TENT2: variants seen among roughly 807,000 people sequenced by gnomAD.
TENT2 encodes the protein poly(A) RNA polymerase GLD2.
A neutral mutation model predicts 72.2 loss-of-function variants in TENT2; 44 were observed. That is an observed-to-expected ratio of 0.61 (90% CI 0.48 to 0.78). The LOEUF is 0.78. TENT2 is among the 30% of genes least tolerant of loss of function. The probability of loss-of-function intolerance (pLI) is 0.00; values close to 1 mark genes in which losing one functional copy is unlikely to be tolerated. For missense variants in TENT2, 541 were observed against 569.6 expected, an observed-to-expected ratio of 0.95 and a Z score of 0.51; for synonymous variants, 212 against 192.5, an observed-to-expected ratio of 1.10 and a Z score of -0.84.
chr5:79,614,065 A>G (rs560587178), intron 1 of TENT2: 1 of 145,296 alleles, frequency 6.9e-6, no homozygotes, highest in Non-Finnish European at 1.5e-5. Flanking sequence ...CAAATACTTT[A>G]TAACTAGAAA....
intron 13 of TENT2, among the ~76,000 whole-genome samples, chr5:79,679,958 A>G (rs1196106841): frequency 1.3e-5 from 2 of 152,214 alleles, no homozygotes; most frequent in Non-Finnish European, 2.9e-5. Context: ...GGAAGAAAAT[A>G]GAATCTTTAT....
intron 1 of TENT2, among the ~76,000 whole-genome samples, chr5:79,613,653 T>TA (rs1269667561): frequency 6.6e-6 from 1 of 152,234 alleles, no homozygotes; most frequent in African/African-American, 2.4e-5. Flanking sequence ...AAATGTCCTG[T>TA]AACAGGTTCC....
chr5:79,623,405 A>C lies in TENT2; in HGVS notation c.381A>C (p.Pro127=), dbSNP rs1766722705. ...MPPLFHTHYV[P]DIVRCVPPFR... ...CATTGTTTCATACACATTATGTACC[A>C]GATATAGTCAGATGTGTTCCACCTT... is the stretch of plus-strand genomic sequence containing the variant. Residue 127 remains proline, a synonymous_variant, in exon 4 of 15, where the codon CCA becomes CCC. Coordinates refer to ENST00000453514, the MANE Select transcript of TENT2 (RefSeq NM_001114394.3). 6.2e-7 allele frequency: 1 copy of C among 1,613,196 alleles called. No individual in the cohort carries two copies. The highest frequency in any genetic ancestry group is 1.3e-5 in the African/African-American group (1 of 74,888).
chr5:79,645,434 A>G (rs1407799528), intron 8 of TENT2, among the ~76,000 whole-genome samples: 1 of 152,126 alleles, frequency 6.6e-6, no homozygotes, highest in Non-Finnish European at 1.5e-5. Context: ...TAAAGAGTAC[A>G]TATTTGTATT....
At chr5:79,633,106 ATTGT>A (rs1776860649) in intron 4 of TENT2, among the ~76,000 whole-genome samples, 1 of 152,176 alleles carries the variant, frequency 6.6e-6, no homozygotes, top group African/African-American at 2.4e-5. Context: ...TTGTTTCAGA[ATTGT>A]TTAATTTGAT....
rs976165981 is a variant in TENT2 at position 79,688,176 on chromosome 5, T to C, written c.*2903T>C. On this transcript the variant is annotated 3_prime_UTR_variant, in exon 15 of 15. Coordinates refer to ENST00000453514, the MANE Select transcript of TENT2 (RefSeq NM_001114394.3). ...GTGTAACTGGTGAATAATCCCCAGCTTACAGTCATATTTAACAACTCTGTG... is the reference window on the plus strand; with the variant it reads ...GTGTAACTGGTGAATAATCCCCAGCCTACAGTCATATTTAACAACTCTGTG... Among the ~76,000 whole-genome samples, 2 of 152,248 alleles carry C rather than the reference T, an allele frequency of 1.3e-5. No individual in the cohort carries two copies. Among genetic ancestry groups the C allele is most frequent in the Non-Finnish European group, 2.9e-5 (2 of 68,042 alleles).
chr5:79,654,320 A>G (rs955146138), intron 10 of TENT2, among the ~76,000 whole-genome samples: 2 of 152,006 alleles, frequency 1.3e-5, no homozygotes, highest in African/African-American at 4.8e-5. Flanking sequence ...AATCCCAGCT[A>G]CTTGGGAGGC....
chr5:79,646,059 C>T (rs1788699600), intron 8 of TENT2, among the ~76,000 whole-genome samples: 1 of 152,140 alleles, frequency 6.6e-6, no homozygotes. Context: ...TCTTCTTGTT[C>T]AGCTTCATAC....
chr5:79,682,405 A>G (rs1580702725), intron 14 of TENT2, among the ~76,000 whole-genome samples: 1 of 151,450 alleles, frequency 6.6e-6, no homozygotes, highest in African/African-American at 2.4e-5. Context: ...TCAGCCTCCC[A>G]GATAGCTTGG....
intron 8 of TENT2, among the ~76,000 whole-genome samples, chr5:79,646,861 T>G (rs963035782): frequency 6.6e-6 from 1 of 151,776 alleles, no homozygotes; most frequent in African/African-American, 2.4e-5. Flanking sequence ...CTCAAATGCC[T>G]GGACTCAAGT....
At chr5:79,637,660 TA>T (rs944218968) in intron 4 of TENT2, among the ~76,000 whole-genome samples, 2 of 152,092 alleles carry the variant, frequency 1.3e-5, no homozygotes, top group African/African-American at 2.4e-5. Flanking sequence ...TTCCTGGGCT[TA>T]AGCAATGCAC....
At chr5:79,630,623 A>G (rs1774593266) in intron 4 of TENT2, among the ~76,000 whole-genome samples, 1 of 152,030 alleles carries the variant, frequency 6.6e-6, no homozygotes, top group Non-Finnish European at 1.5e-5. Context: ...AGGAAATAGC[A>G]TGTTTGAGGG....
intron 8 of TENT2, among the ~76,000 whole-genome samples, chr5:79,647,778 A>G (rs1790338555): frequency 2.0e-5 from 3 of 152,110 alleles, no homozygotes; most frequent in Admixed American, 6.6e-5. Context: ...GTAATCCTTA[A>G]TTTTTTATGA....
intron 9 of TENT2, 54 bp downstream of exon 9, chr5:79,648,747 T>C (rs1791182223): frequency 2.2e-6 from 3 of 1,346,248 alleles, no homozygotes; most frequent in Admixed American, 4.2e-5. Context: ...TATTCATTTT[T>C]AAAGATGTTT....
chr5:79,656,891 G>T, intron 10 of TENT2, 67 bp from the exon 11 acceptor site: 2 of 1,210,376 alleles, frequency 1.7e-6, no homozygotes, highest in South Asian at 1.4e-5. Context: ...GGATGTAGCT[G>T]ACAAATTATT....
intron 4 of TENT2, among the ~76,000 whole-genome samples, chr5:79,625,834 GTT>G (rs11323205): frequency 7.6e-5 from 11 of 144,684 alleles, no homozygotes; most frequent in South Asian, 2.2e-4. Flanking sequence ...TTAGTTAGCT[GTT>G]TTTTTTTTTT....
intron 12 of TENT2, among the ~76,000 whole-genome samples, chr5:79,677,812 T>G (rs1228372504): frequency 6.6e-6 from 1 of 152,178 alleles, no homozygotes; most frequent in Non-Finnish European, 1.5e-5. Flanking sequence ...TGTTTTTTGT[T>G]TTTTTAAGAT....
intron 11 of TENT2, 95 bp from the exon 12 acceptor site, chr5:79,668,797 T>C: frequency 1.4e-6 from 2 of 1,399,474 alleles, no homozygotes; most frequent in South Asian, 1.6e-5. Context: ...ATTTCTTCTC[T>C]CTTTTTCAAA....
At chr5:79,613,283 A>G (rs1756616775) in intron 1 of TENT2, among the ~76,000 whole-genome samples, 1 of 152,198 alleles carries the variant, frequency 6.6e-6, no homozygotes, top group African/African-American at 2.4e-5. Flanking sequence ...CTCAAAACTT[A>G]TGGATTCTCT....
Sources: allele counts gnomAD v4.1 joint callset (sites outside exome capture counted in the v4.1 genomes callset), GRCh38; gene constraint gnomAD v4.1.1; transcripts MANE v1.5; gene names NCBI Gene and HGNC (gene_info 2026-07-23, HGNC 2026-07-21).